The following SEPTIN7 variants were observed in gnomAD, a reference collection of about 807,000 sequenced individuals.
SEPTIN7 encodes septin 7.
A neutral mutation model predicts 63.3 loss-of-function variants in SEPTIN7; 10 were observed. The ratio of observed to expected loss-of-function variants is 0.16; its 90% CI spans 0.10 to 0.27. The LOEUF is 0.27. Among genes scored for constraint, SEPTIN7 ranks in the 10% least tolerant of loss-of-function variants. The probability of loss-of-function intolerance (pLI) is 1.00; values close to 1 mark genes in which losing one functional copy is unlikely to be tolerated. For missense variants in SEPTIN7, 310 were observed against 521.0 expected (o/e 0.59, Z 3.94); for synonymous variants, 131 against 165.3 (o/e 0.79, Z 1.59).
At chr7:35,827,052 A>G (rs1783552388) in intron 1 of SEPTIN7, among the ~76,000 whole-genome samples, 1 of 152,204 alleles carries the variant, frequency 6.6e-6, no homozygotes, top group Non-Finnish European at 1.5e-5. Flanking sequence ...TGATTTTTCC[A>G]TCAAACAGTG....
intron 3 of SEPTIN7, among the ~76,000 whole-genome samples, chr7:35,858,693 T>C (rs1047149336): frequency 6.6e-6 from 1 of 150,496 alleles, no homozygotes; most frequent in African/African-American, 2.4e-5. Context: ...TTTTTTTTTT[T>C]TTTTGAGACA....
intron 4 of SEPTIN7, among the ~76,000 whole-genome samples, chr7:35,869,853 G>A (rs1257040080): frequency 6.6e-6 from 1 of 152,158 alleles, no homozygotes; most frequent in Non-Finnish European, 1.5e-5. Context: ...AAAAACAGTT[G>A]AAAATGCCCT....
At chr7:35,864,120 C>T (rs1785668719) in intron 4 of SEPTIN7, among the ~76,000 whole-genome samples, 1 of 151,342 alleles carries the variant, frequency 6.6e-6, no homozygotes, top group African/African-American at 2.4e-5. Context: ...GTAGAGAAAA[C>T]GTGATTTATA....
At chr7:35,873,990 A>T in intron 6 of SEPTIN7, 1 of 446,872 alleles carries the variant, frequency 2.2e-6, no homozygotes, top group Non-Finnish European at 3.9e-6. Context: ...ATTCATAAGG[A>T]TTTTCCCTGC....
At chr7:35,887,775 A>C (rs13221258) in intron 10 of SEPTIN7, among the ~76,000 whole-genome samples, 49,635 of 152,174 alleles carry the variant, frequency 0.33, 8,332 homozygotes, top group East Asian at 0.4. Context: ...GAGCAGCAAG[A>C]CTTTTATGCC....
intron 10 of SEPTIN7, among the ~76,000 whole-genome samples, chr7:35,889,027 G>A (rs745589709): frequency 6.6e-6 from 1 of 152,146 alleles, no homozygotes; most frequent in Non-Finnish European, 1.5e-5. Context: ...GTAATGGCAT[G>A]TTCCTTGTAA....
intron 3 of SEPTIN7, chr7:35,847,349 G>T (rs574306967): frequency 1.2e-5 from 2 of 163,448 alleles, no homozygotes; most frequent in South Asian, 3.3e-4. Flanking sequence ...ATCCATCAGG[G>T]GCAATGCCAT....
In SEPTIN7 at chr7:35,872,719, A is replaced by G; in HGVS notation, c.330A>G (p.Thr110=). ...AAGGTGGTGTTCAGTTGCTGCTCAC[A>G]ATAGTTGATACCCCAGGATTTGGAG... is the stretch of plus-strand genomic sequence containing the variant. The part of the protein sequence containing the change: ...IKEGGVQLLL[T]IVDTPGFGDA... The change falls in exon 5 of 14, where the codon ACA becomes ACG. Residue 110 remains threonine (T), a synonymous_variant. Transcript: ENST00000350320. The G allele has an allele frequency of 5.6e-6, 9 of 1,612,812 alleles. No individual in the cohort carries two copies. Among genetic ancestry groups the G allele is most frequent in the South Asian group, 1.1e-5 (1 of 91,068 alleles).
intron 4 of SEPTIN7, among the ~76,000 whole-genome samples, chr7:35,864,105 A>T (rs1012668997): frequency 6.6e-6 from 1 of 151,860 alleles, no homozygotes; most frequent in African/African-American, 2.4e-5. Context: ...ATTGCATTAG[A>T]TGGTGTAGAG....
chr7:35,905,866 A>G lies in SEPTIN7; in HGVS notation c.*1573A>G, dbSNP rs76280417. 1.3e-5 allele frequency: 2 copies of G among 152,200 alleles called. No individual in the cohort carries two copies. The highest frequency in any genetic ancestry group is 2.9e-5 in the Non-Finnish European group (2 of 68,034). 9.4% of individuals were successfully genotyped at this position (152,200 alleles called of 1,614,324 possible). A position where few individuals can be genotyped will look rare whatever the true frequency, so the allele number is the denominator to read the frequency against. ...ATTTCTTTTCTTAAGGTCAAGTGAC[A>G]TAGATTTTAATGTAATGCATAATTT... On this transcript the variant is annotated 3_prime_UTR_variant, in exon 14 of 14. Coordinates refer to ENST00000350320, the MANE Select transcript of SEPTIN7 (RefSeq NM_001788.6).
chr7:35,855,755 G>T (rs1383114744), intron 3 of SEPTIN7, among the ~76,000 whole-genome samples: 1 of 152,124 alleles, frequency 6.6e-6, no homozygotes. Context: ...ATTTTTCTGT[G>T]TAGCCTTACA....
chr7:35,836,030 A>G lies in SEPTIN7; in HGVS notation c.169+3130A>G, dbSNP rs1474221706. Among the ~76,000 whole-genome samples, 9 of 152,270 alleles carry G rather than the reference A, an allele frequency of 5.9e-5. No homozygotes were observed. In the East Asian group the frequency reaches 1.7e-3, roughly 29 times the overall value. ...ACACTGACTTTAGGATCTGACCCCTAAGGTGTAACTTTACAATTAAAATTA... is the reference window on the plus strand; with the variant it reads ...ACACTGACTTTAGGATCTGACCCCTGAGGTGTAACTTTACAATTAAAATTA... On this transcript the variant is annotated intron_variant, in intron 3 of 13. Coordinates refer to ENST00000350320, the MANE Select transcript of SEPTIN7 (RefSeq NM_001788.6).
In SEPTIN7 at chr7:35,823,094, G is replaced by T. The variant is rs559831551; in HGVS notation, c.62-8398G>T. On this transcript the variant is annotated intron_variant, in intron 1 of 13. Transcript: ENST00000350320. ...GGGTGGGAAGAAAAAATATTTAAAA[G>T]TAAAATATTAAAAAAAGAAATAATA... Among the ~76,000 whole-genome samples the T allele has an allele frequency of 2.0e-5, 3 of 152,050 alleles. No homozygotes were observed. The South Asian group carries it at 6.2e-4, about 32-fold the overall frequency.
intron 11 of SEPTIN7, among the ~76,000 whole-genome samples, chr7:35,891,659 C>T (rs961933137): frequency 2.0e-5 from 3 of 152,118 alleles, no homozygotes; most frequent in Non-Finnish European, 2.9e-5. Flanking sequence ...AGTGAGTGAA[C>T]GTGAAGACCT....
intron 1 of SEPTIN7, among the ~76,000 whole-genome samples, chr7:35,801,488 G>A (rs562250347): frequency 6.6e-6 from 1 of 151,846 alleles, no homozygotes; most frequent in South Asian, 2.1e-4. Context: ...AACGTGAGGA[G>A]AGCCGAGGCG....
In SEPTIN7 at chr7:35,850,804, C is replaced by A. The variant is rs77796488; in HGVS notation, c.170-12748C>A. ...TTTAAGATCAAGGACTACATCTTATCTTTGCATTCCTCGTTCATTTATTTG... is the reference window on the plus strand; with the variant it reads ...TTTAAGATCAAGGACTACATCTTATATTTGCATTCCTCGTTCATTTATTTG... On this transcript the variant is annotated intron_variant, in intron 3 of 13. Transcript: ENST00000350320. 6.5e-3 allele frequency among the ~76,000 whole-genome samples: 985 copies of A among 152,222 alleles called. 13 individuals are homozygous for A. Among genetic ancestry groups the A allele is most frequent in the African/African-American group, 0.021 (857 of 41,564 alleles).
chr7:35,886,878 A>G (rs934132067), intron 10 of SEPTIN7, among the ~76,000 whole-genome samples: 3 of 152,346 alleles, frequency 2.0e-5, no homozygotes, highest in South Asian at 2.1e-4. Context: ...AAGAAATACA[A>G]TAGAGGTGAG....
At chr7:35,879,188 A>AT (rs1324184733) in intron 6 of SEPTIN7, among the ~76,000 whole-genome samples, 1 of 152,192 alleles carries the variant, frequency 6.6e-6, no homozygotes, top group Non-Finnish European at 1.5e-5. Flanking sequence ...GATGTTGAAG[A>AT]TTATCTTGTG....
intron 3 of SEPTIN7, among the ~76,000 whole-genome samples, chr7:35,844,728 G>T (rs906559387): frequency 6.6e-6 from 1 of 151,858 alleles, no homozygotes; most frequent in Admixed American, 6.6e-5. Flanking sequence ...TCAGCCTCCC[G>T]AGTAGCTGGG....
Sources: gnomAD v4.1 joint callset for allele counts (sites outside exome capture counted in the v4.1 genomes callset) on GRCh38, gnomAD v4.1.1 for gene constraint, MANE v1.5 for transcripts, NCBI Gene and HGNC (gene_info 2026-07-23, HGNC 2026-07-21) for gene names.